Variants in UNC13B observed in about 807,000 individuals in gnomAD.
The protein encoded by UNC13B is unc-13 homolog B.
A neutral mutation model predicts 211.0 loss-of-function variants in UNC13B; 144 were observed. That is an observed-to-expected ratio of 0.68 (90% CI 0.60 to 0.78). The LOEUF is 0.78. UNC13B is among the 30% of genes least tolerant of loss of function. The probability of loss-of-function intolerance (pLI) is 0.00; values close to 1 mark genes in which losing one functional copy is unlikely to be tolerated. For synonymous variants in UNC13B, 709 were observed against 725.8 expected, an observed-to-expected ratio of 0.98 and a Z score of 0.37; for missense variants, 1,777 against 2,002.0, an observed-to-expected ratio of 0.89 and a Z score of 2.14.
rs1256487931 is a variant in UNC13B at position 35,381,230 on chromosome 9, G to T, written c.10491+15G>T. ...GTCTCCATGAGGTGAGCCAGCCCTT[G>T]GTAGGTGGGGGATCAGAAAGCAGTG... On this transcript the variant is annotated intron_variant, in intron 19 of 39. Coordinates refer to ENST00000635942, the MANE Select transcript of UNC13B (RefSeq NM_001371189.2). 6.2e-7 allele frequency: 1 copy of T among 1,604,920 alleles called. No homozygotes were observed. The highest frequency in any genetic ancestry group is 8.5e-7 in the Non-Finnish European group (1 of 1,173,738).
intron 1 of UNC13B, among the ~76,000 whole-genome samples, chr9:35,177,762 A>G (rs1004688565): frequency 6.6e-6 from 1 of 152,318 alleles, no homozygotes. Flanking sequence ...CCCTCAAGAA[A>G]TTGAGGGCAA....
intron 11 of UNC13B, among the ~76,000 whole-genome samples, chr9:35,319,266 G>C (rs1049594351): frequency 6.6e-6 from 1 of 151,722 alleles, no homozygotes; most frequent in Non-Finnish European, 1.5e-5. Context: ...AGCCGGGTGT[G>C]GTGGTGCATA....
rs1829782271 is a variant in UNC13B, at chr9:35,303,464, T to A, written c.4060T>A (p.Phe1354Ile). Reference sequence around the variant, plus strand: ...GGCTTTTGAAGAGATGAACAGTCCTTTCTGTTTTGAATGGGACTCTGACAT... The same window carrying A: ...GGCTTTTGAAGAGATGAACAGTCCTATCTGTTTTGAATGGGACTCTGACAT... ...YQAFEEMNSP[F>I]CFEWDSDIKD... The change falls in exon 9 of 40, where the codon TTC becomes ATC. Residue 1354 changes from phenylalanine to isoleucine, a missense_variant. Phe to Ile is a conservative substitution (Grantham distance 21). Coordinates refer to ENST00000635942, the MANE Select transcript of UNC13B (RefSeq NM_001371189.2). 2.5e-6 allele frequency: 1 copy of A among 398,698 alleles called. No homozygotes were observed. Among genetic ancestry groups the A allele is most frequent in the Admixed American group, 4.4e-5 (1 of 22,708 alleles). 24.7% of individuals were successfully genotyped at this position (398,698 alleles called of 1,614,324 possible). A position where few individuals can be genotyped will look rare whatever the true frequency, so the allele number is the denominator to read the frequency against.
Position 35,404,022 on chromosome 9 carries a change from G to A in UNC13B, c.13012G>A (p.Glu4338Lys). 1 of 1,612,948 alleles carries A rather than the reference G, an allele frequency of 6.2e-7. No homozygotes were observed. The highest frequency in any genetic ancestry group is 8.5e-7 in the Non-Finnish European group (1 of 1,179,752). ...KLKSESRSTE[E>K]GS Reference sequence around the variant, plus strand: ...CAAATCAGAGTCTCGTTCCACGGAGGAGGGGAGCTGAACACCTTCGACTCC... The same window carrying A: ...CAAATCAGAGTCTCGTTCCACGGAGAAGGGGAGCTGAACACCTTCGACTCC... The change falls in exon 40 of 40, where the codon GAG becomes AAG. Residue 4338 changes from glutamate (E) to lysine (K), a missense_variant. Transcript: ENST00000635942.
chr9:35,166,820 T>C (rs945776058), intron 1 of UNC13B, among the ~76,000 whole-genome samples: 1 of 152,234 alleles, frequency 6.6e-6, no homozygotes, highest in African/African-American at 2.4e-5. Context: ...CCTATCCTTC[T>C]GGAAATTTTC....
rs529330176 is a variant in UNC13B at position 35,251,117 on chromosome 9, C to T, written c.468+7753C>T. 5.3e-3 allele frequency among the ~76,000 whole-genome samples: 801 copies of T among 152,052 alleles called. 32 individuals carry two copies. The highest frequency in any genetic ancestry group is 0.048 in the Admixed American group (726 of 15,280). The stretch of plus-strand genomic sequence containing the variant: ...AGCTGGGACTACTGGCACCCGCCAC[C>T]GCACCCGGCTAATTTTTTTGTATCT... On this transcript the variant is annotated intron_variant, in intron 6 of 39. Transcript: ENST00000635942.
intron 1 of UNC13B, among the ~76,000 whole-genome samples, chr9:35,214,073 G>T (rs1824121933): frequency 1.3e-5 from 2 of 152,116 alleles, no homozygotes; most frequent in Admixed American, 1.3e-4. Context: ...AAATCAAAAT[G>T]AGTATGAAAT....
chr9:35,266,402 G>A (rs1466226274), intron 7 of UNC13B, among the ~76,000 whole-genome samples: 1 of 152,102 alleles, frequency 6.6e-6, no homozygotes, highest in Admixed American at 6.6e-5. Context: ...CTCTCCCTTT[G>A]ATACAAGAGT....
chr9:35,352,897 A>G, intron 11 of UNC13B: 8 of 1,232,224 alleles, frequency 6.5e-6, no homozygotes, highest in Non-Finnish European at 8.1e-6. Flanking sequence ...CATGTAAAGT[A>G]GGAAAACCAG....
In UNC13B at chr9:35,396,531, G is replaced by A; in HGVS notation, c.11364G>A (p.Lys3788=). 1 of 1,614,112 alleles carries A rather than the reference G, an allele frequency of 6.2e-7. No individual in the cohort carries two copies. Among genetic ancestry groups the A allele is most frequent in the Non-Finnish European group, 8.5e-7 (1 of 1,180,012 alleles). Reference sequence around the variant, plus strand: ...CTGACTACATGAACCTGCACTTCAAGGTGAAGTGGCTCCACAATGAATACG... The same window carrying A: ...CTGACTACATGAACCTGCACTTCAAAGTGAAGTGGCTCCACAATGAATACG... The part of the protein sequence containing the change: ...KSADYMNLHF[K]VKWLHNEYVR... The change falls in exon 27 of 40, where the codon AAG becomes AAA. Residue 3788 remains lysine, a synonymous_variant. Transcript: ENST00000635942.
At chr9:35,339,119 G>A (rs1323991989) in intron 11 of UNC13B, among the ~76,000 whole-genome samples, 1 of 152,154 alleles carries the variant, frequency 6.6e-6, no homozygotes, top group Non-Finnish European at 1.5e-5. Context: ...GTCTCTAGGC[G>A]AAGATCCCTG....
chr9:35,384,787 G>A, intron 22 of UNC13B: 1 of 936,964 alleles, frequency 1.1e-6, no homozygotes. Flanking sequence ...TAGTATAAAG[G>A]GAGGAAATAG....
At chr9:35,269,983 G>C (rs1370972060) in intron 7 of UNC13B, among the ~76,000 whole-genome samples, 1 of 151,652 alleles carries the variant, frequency 6.6e-6, no homozygotes, top group East Asian at 1.9e-4. Context: ...TTTGGCCTAT[G>C]GGTGTTCCTT....
At chr9:35,397,578 TC>T in intron 29 of UNC13B, 56 bp from the exon 30 acceptor site, 1 of 1,557,368 alleles carries the variant, frequency 6.4e-7, no homozygotes, top group Non-Finnish European at 8.7e-7. Context: ...TCAGGCAAGA[TC>T]CCCATAGAAG....
intron 1 of UNC13B, among the ~76,000 whole-genome samples, chr9:35,204,019 C>A (rs1384738533): frequency 3.3e-5 from 5 of 152,242 alleles, no homozygotes; most frequent in Non-Finnish European, 5.9e-5. Flanking sequence ...AGGCCCAGGG[C>A]CTTGCTGCAC....
intron 7 of UNC13B, among the ~76,000 whole-genome samples, chr9:35,268,106 A>G (rs1262419300): frequency 6.6e-6 from 1 of 151,962 alleles, no homozygotes; most frequent in African/African-American, 2.4e-5. Context: ...GTCTGGCTCC[A>G]CTCCCATTCT....
Position 35,347,586 on chromosome 9 carries a change from A to T in UNC13B, c.9415-19361A>T, listed in dbSNP as rs561620282. Among the ~76,000 whole-genome samples the T allele has an allele frequency of 2.6e-5, 4 of 152,308 alleles. No homozygotes were observed. The East Asian group carries it at 7.7e-4, about 29-fold the overall frequency. On this transcript the variant is annotated intron_variant, in intron 11 of 39. Transcript: ENST00000635942. ...TTCAAAGCCCAAAGACTGGATTACT[A>T]AGTGAGTTTGGTGCCCTTCCTATAT...
In UNC13B at chr9:35,377,461, C is replaced by T; in HGVS notation, c.9836-7C>T. Reference sequence around the variant, plus strand: ...AGGTGACCTGTTGTGTTCCTGGCCACCTTCAGGGGCTGCAGAAAAGAGCTG... The same window carrying T: ...AGGTGACCTGTTGTGTTCCTGGCCATCTTCAGGGGCTGCAGAAAAGAGCTG... On this transcript the variant is annotated splice_polypyrimidine_tract_variant and splice_region_variant and intron_variant, in intron 15 of 39. Transcript: ENST00000635942. The T allele has an allele frequency of 6.2e-7, 1 of 1,614,120 alleles. No individual in the cohort carries two copies.
chr9:35,243,413 A>G (rs764882396), intron 6 of UNC13B, 49 bp downstream of exon 6: 18 of 1,596,178 alleles, frequency 1.1e-5, no homozygotes, highest in East Asian at 2.2e-5. Context: ...AAAATCTCCA[A>G]TGCTCTTTAT....
Sources: allele counts gnomAD v4.1 joint callset (sites outside exome capture counted in the v4.1 genomes callset), GRCh38; gene constraint gnomAD v4.1.1; transcripts MANE v1.5; gene names NCBI Gene and HGNC (gene_info 2026-07-23, HGNC 2026-07-21).